Variants in PPP1R14D observed in about 807,000 individuals in gnomAD.
PPP1R14D encodes the protein protein phosphatase 1 regulatory inhibitor subunit 14D, also known as protein phosphatase 1 regulatory subunit 14D.
Under a neutral mutation model 17.1 loss-of-function variants are expected in PPP1R14D, and 14 were observed. The ratio of observed to expected loss-of-function variants is 0.82; its 90% CI spans 0.54 to 1.28. The LOEUF (loss-of-function observed/expected upper bound fraction) is 1.28. Ranked by LOEUF, PPP1R14D falls within the 50% of genes most tolerant of loss-of-function variation. The probability of loss-of-function intolerance (pLI) is 0.00; values close to 1 mark genes in which losing one functional copy is unlikely to be tolerated. For missense variants in PPP1R14D, 173 were observed against 179.2 expected, an observed-to-expected ratio of 0.97 and a Z score of 0.20; for synonymous variants, 67 against 66.1, an observed-to-expected ratio of 1.01 and a Z score of -0.06.
intron 1 of PPP1R14D, among the ~76,000 whole-genome samples, chr15:40,826,409 G>A (rs535337314): frequency 2.6e-5 from 4 of 152,196 alleles, no homozygotes; most frequent in African/African-American, 4.8e-5. Flanking sequence ...CTAGCTTGGC[G>A]TATGGTTCTC....
At chr15:40,816,759 G>A (rs796947202) in intron 1 of PPP1R14D, among the ~76,000 whole-genome samples, 9 of 151,792 alleles carry the variant, frequency 5.9e-5, no homozygotes, top group African/African-American at 2.2e-4. Flanking sequence ...TCTGTTAAGG[G>A]ACTGTTACCC....
chr15:40,824,368 C>T (rs1890835082), intron 1 of PPP1R14D, among the ~76,000 whole-genome samples: 1 of 151,054 alleles, frequency 6.6e-6, no homozygotes, highest in Admixed American at 6.6e-5. Context: ...CATTCATTGA[C>T]AATACTGTTT....
chr15:40,828,642 G>A lies in PPP1R14D; in HGVS notation c.-1C>T. On this transcript the variant is annotated 5_prime_UTR_variant, in exon 1 of 4. Coordinates refer to ENST00000299174, the MANE Select transcript of PPP1R14D (RefSeq NM_017726.8). ...AGGAAGCAGGGCTTGAAGACAGCATGGAAGTATTGGTCTGGGCAAGGAGCT... is the reference window on the plus strand; with the variant it reads ...AGGAAGCAGGGCTTGAAGACAGCATAGAAGTATTGGTCTGGGCAAGGAGCT... The A allele has an allele frequency of 6.2e-7, 1 of 1,606,624 alleles. No individual in the cohort carries two copies. Among genetic ancestry groups the A allele is most frequent in the Non-Finnish European group, 8.5e-7 (1 of 1,175,914 alleles).
chr15:40,822,239 C>T (rs1890792174), intron 1 of PPP1R14D, among the ~76,000 whole-genome samples: 1 of 151,812 alleles, frequency 6.6e-6, no homozygotes, highest in South Asian at 2.1e-4. Context: ...AATCCCAGTA[C>T]TTTGGGAGGT....
intron 1 of PPP1R14D, among the ~76,000 whole-genome samples, chr15:40,821,541 C>T (rs956048669): frequency 6.6e-6 from 1 of 151,662 alleles, no homozygotes; most frequent in Non-Finnish European, 1.5e-5. Flanking sequence ...TGGGGGAGGA[C>T]AGAATAGAAA....
chr15:40,822,607 C>T (rs563677931), intron 1 of PPP1R14D, among the ~76,000 whole-genome samples: 2 of 151,994 alleles, frequency 1.3e-5, no homozygotes, highest in South Asian at 2.1e-4. Flanking sequence ...GTGCCTACCA[C>T]GTCCTGCTAA....
rs200084452 is a variant in PPP1R14D at position 40,824,358 on chromosome 15, C to T, written c.255+4029G>A. ...GTTAAACACAAATGTTTGTTTCACA[C>T]ATTCATTGACAATACTGTTTTTTTT... On this transcript the variant is annotated intron_variant, in intron 1 of 3. Transcript: ENST00000299174. Among the ~76,000 whole-genome samples, 17 of 151,788 alleles carry T rather than the reference C, an allele frequency of 1.1e-4. No individual in the cohort carries two copies. In the East Asian group the frequency reaches 1.9e-3, roughly 17 times the overall value.
chr15:40,828,390 G>C lies in PPP1R14D; in HGVS notation c.252C>G (p.Phe84Leu). The stretch of plus-strand genomic sequence containing the variant: ...CACTATCCGCTGTGCTACCTACCTG[G>C]AAGAGCTCCTGAACTTGAGCATCCA... ...QWVDAQVQELFQDQATPSEPE... is the reference protein window; with the variant it reads ...QWVDAQVQELLQDQATPSEPE... Residue 84 changes from phenylalanine to leucine, a missense_variant, in exon 1 of 4, where the codon TTC becomes TTG. By Grantham distance (22) the Phe-to-Leu change is conservative (BLOSUM62 0). Transcript: ENST00000299174. The C allele has an allele frequency of 6.3e-7, 1 of 1,594,248 alleles. No homozygotes were observed. The highest frequency in any genetic ancestry group is 1.7e-4 in the Middle Eastern group (1 of 5,952).
At chr15:40,820,830 C>T (rs905516107) in intron 1 of PPP1R14D, among the ~76,000 whole-genome samples, 2 of 151,370 alleles carry the variant, frequency 1.3e-5, no homozygotes, top group African/African-American at 4.9e-5. Context: ...CACTGCCCTC[C>T]AGCCAGGGTG....
At chr15:40,824,714 CTAAT>C (rs1271718466) in intron 1 of PPP1R14D, among the ~76,000 whole-genome samples, 1 of 151,922 alleles carries the variant, frequency 6.6e-6, no homozygotes, top group Non-Finnish European at 1.5e-5. Context: ...TTATTAAATT[CTAAT>C]TAATAGAATT....
At chr15:40,815,905 G>A in intron 3 of PPP1R14D, 57 bp downstream of exon 3, 1 of 1,596,834 alleles carries the variant, frequency 6.3e-7, no homozygotes, top group Non-Finnish European at 8.6e-7. Context: ...CTCCTCATTA[G>A]CTACCTCCCC....
chr15:40,822,669 T>A (rs1387390973), intron 1 of PPP1R14D, among the ~76,000 whole-genome samples: 1 of 152,110 alleles, frequency 6.6e-6, no homozygotes, highest in Non-Finnish European at 1.5e-5. Context: ...GTGAGGCTGG[T>A]CTCAAACTCC....
intron 3 of PPP1R14D, 22 bp from the exon 4 acceptor site, chr15:40,815,783 G>A: frequency 1.9e-6 from 3 of 1,586,288 alleles, no homozygotes; most frequent in Non-Finnish European, 2.6e-6. Flanking sequence ...ACAGGAGTGA[G>A]ACCAGGCTTG....
chr15:40,819,635 T>C (rs190499392), intron 1 of PPP1R14D, among the ~76,000 whole-genome samples: 93 of 152,234 alleles, frequency 6.1e-4, no homozygotes, highest in African/African-American at 1.7e-3. Context: ...GGAACCTCCA[T>C]GGGTCACTAG....
At chr15:40,820,959 GGAGAGTGCTT>G (rs1890765899) in intron 1 of PPP1R14D, among the ~76,000 whole-genome samples, 1 of 151,666 alleles carries the variant, frequency 6.6e-6, no homozygotes, top group African/African-American at 2.4e-5. Context: ...GGTTAAGACA[GGAGAGTGCTT>G]GAGGCCAGGA....
intron 1 of PPP1R14D, among the ~76,000 whole-genome samples, chr15:40,823,963 A>G (rs1890827937): frequency 6.6e-6 from 1 of 151,334 alleles, no homozygotes; most frequent in Non-Finnish European, 1.5e-5. Context: ...GTTAAAGACA[A>G]GCCTGAACAA....
At chr15:40,823,816 G>A (rs1596128667) in intron 1 of PPP1R14D, among the ~76,000 whole-genome samples, 1 of 151,952 alleles carries the variant, frequency 6.6e-6, no homozygotes. Flanking sequence ...ATGTATCCCT[G>A]TGGTTAAGCA....
At chr15:40,827,423 G>A (rs1049805177) in intron 1 of PPP1R14D, among the ~76,000 whole-genome samples, 4 of 152,134 alleles carry the variant, frequency 2.6e-5, no homozygotes, top group Non-Finnish European at 1.5e-5. Flanking sequence ...CAGGAGAATC[G>A]CTTGAACTTG....
intron 1 of PPP1R14D, among the ~76,000 whole-genome samples, chr15:40,816,605 T>C (rs142005159): frequency 0.014 from 2,052 of 150,186 alleles, 46 homozygotes; most frequent in African/African-American, 0.047. Flanking sequence ...CCCAGCTACT[T>C]GGGAGGCTGA....
Sources: gnomAD v4.1 joint callset for allele counts (sites outside exome capture counted in the v4.1 genomes callset) on GRCh38, gnomAD v4.1.1 for gene constraint, MANE v1.5 for transcripts, NCBI Gene and HGNC (gene_info 2026-07-23, HGNC 2026-07-21) for gene names.